Variants in DOCK3 observed in about 807,000 individuals in gnomAD.
The protein encoded by DOCK3 is dedicator of cytokinesis 3, also known as dedicator of cytokinesis protein 3.
Under a neutral mutation model 265.6 loss-of-function variants are expected in DOCK3, and 60 were observed. The observed-to-expected ratio is 0.23, with a 90% CI of 0.18 to 0.28. The LOEUF (loss-of-function observed/expected upper bound fraction) is 0.28, where lower values mean the gene tolerates loss of function less well. Among genes scored for constraint, DOCK3 ranks in the 10% least tolerant of loss-of-function variants. The pLI is 1.00. For synonymous variants in DOCK3, 881 were observed against 938.0 expected, an observed-to-expected ratio of 0.94 and a Z score of 1.11; for missense variants, 1,981 against 2,594.3, an observed-to-expected ratio of 0.76 and a Z score of 5.14.
chr3:50,782,416 G>A (rs915883693), intron 2 of DOCK3, among the ~76,000 whole-genome samples: 1 of 147,194 alleles, frequency 6.8e-6, no homozygotes, highest in African/African-American at 2.5e-5. Flanking sequence ...TCAGCCTCCC[G>A]AGTAGCTGGG....
intron 2 of DOCK3, among the ~76,000 whole-genome samples, chr3:50,819,819 A>G (rs1054804663): frequency 2.6e-5 from 4 of 152,088 alleles, no homozygotes; most frequent in African/African-American, 9.7e-5. Context: ...AAACTTAGCC[A>G]GGCGTGGTGG....
intron 5 of DOCK3, among the ~76,000 whole-genome samples, chr3:50,952,789 G>A (rs756225525): frequency 2.6e-5 from 4 of 152,118 alleles, no homozygotes; most frequent in Admixed American, 6.6e-5. Context: ...CTAGGTTTGC[G>A]TGTTAGTGCA....
intron 9 of DOCK3, among the ~76,000 whole-genome samples, chr3:51,145,809 TA>T (rs2085273467): frequency 6.6e-6 from 1 of 152,166 alleles, no homozygotes; most frequent in Admixed American, 6.5e-5. Context: ...AATTTTTCCA[TA>T]GACTGATGGG....
intron 35 of DOCK3, among the ~76,000 whole-genome samples, chr3:51,333,868 T>G (rs557273703): frequency 2.1e-4 from 32 of 151,940 alleles, no homozygotes; most frequent in African/African-American, 7.2e-4. Context: ...TTTTTTTTTT[T>G]GAGATAGTCT....
intron 1 of DOCK3, among the ~76,000 whole-genome samples, chr3:50,745,935 T>G (rs1490562731): frequency 6.6e-6 from 1 of 152,212 alleles, no homozygotes; most frequent in African/African-American, 2.4e-5. Flanking sequence ...GTTCTGTCAT[T>G]GTGTGTCACT....
chr3:51,159,237 C>A lies in DOCK3; in HGVS notation c.829-7C>A. On this transcript the variant is annotated splice_region_variant and splice_polypyrimidine_tract_variant and intron_variant, in intron 10 of 52. Coordinates refer to ENST00000266037, the MANE Select transcript of DOCK3 (RefSeq NM_004947.5). The stretch of plus-strand genomic sequence containing the variant: ...CCTTGCCTGAATTTACTTATTTTTT[C>A]TCTTAGGATCTGAGCAGCAAAGATA... 1 of 1,612,268 alleles carries A rather than the reference C, an allele frequency of 6.2e-7. No homozygotes were observed. The highest frequency in any genetic ancestry group is 1.3e-5 in the African/African-American group (1 of 75,010).
chr3:50,992,776 G>C (rs1031008838), intron 5 of DOCK3, among the ~76,000 whole-genome samples: 2 of 152,110 alleles, frequency 1.3e-5, no homozygotes, highest in Admixed American at 6.5e-5. Flanking sequence ...ACACAAACTA[G>C]AAAACCTAAA....
In DOCK3 at chr3:50,675,050, A is replaced by G. The variant is rs2033831571; in HGVS notation, c.-214A>G. 1 of 162,012 alleles carries G rather than the reference A, an allele frequency of 6.2e-6. No homozygotes were observed. The highest frequency in any genetic ancestry group is 2.4e-5 in the African/African-American group (1 of 41,178). The allele number at this position is 162,012 out of a possible 1,614,324, so 10.0% of individuals were successfully genotyped here. A position where few individuals can be genotyped will look rare whatever the true frequency, so the allele number is the denominator to read the frequency against. Reference sequence around the variant, plus strand: ...GTGGCGAGCCTTCGCCCGCGCCGCCAGGGGCTGCTGGGCCACCCGCGGAGC... The same window carrying G: ...GTGGCGAGCCTTCGCCCGCGCCGCCGGGGGCTGCTGGGCCACCCGCGGAGC... On this transcript the variant is annotated 5_prime_UTR_variant, in exon 1 of 53. Transcript: ENST00000266037. This position sits in a 1 kb window ranked among gnomAD's most constrained non-coding sequence, Gnocchi z 6.1.
intron 22 of DOCK3, among the ~76,000 whole-genome samples, chr3:51,247,796 C>T (rs990915446): frequency 6.6e-6 from 1 of 152,130 alleles, no homozygotes; most frequent in Admixed American, 6.5e-5. Flanking sequence ...AGAACATATC[C>T]GCAGTATCCT....
chr3:51,308,405 G>A (rs1463990711), intron 27 of DOCK3, among the ~76,000 whole-genome samples: 1 of 151,520 alleles, frequency 6.6e-6, no homozygotes, highest in Non-Finnish European at 1.5e-5. Flanking sequence ...TTGAGATTAG[G>A]GAGTGGTGAT....
At chr3:50,869,333 C>G (rs9865883) in intron 3 of DOCK3, among the ~76,000 whole-genome samples, 3 of 57,554 alleles carry the variant, frequency 5.2e-5, no homozygotes, top group African/African-American at 2.1e-4. Context: ...TTATTTATTT[C>G]TGCTGGGAAT....
chr3:50,940,934 A>G (rs35492420), intron 5 of DOCK3, among the ~76,000 whole-genome samples: 14,342 of 152,170 alleles, frequency 0.094, 834 homozygotes, highest in Non-Finnish European at 0.12. Flanking sequence ...GTTAACTCAA[A>G]ATGGATTATA....
At chr3:50,868,492 G>A (rs931021732) in intron 3 of DOCK3, among the ~76,000 whole-genome samples, 1 of 151,986 alleles carries the variant, frequency 6.6e-6, no homozygotes. Context: ...TCATACCTCA[G>A]ATCCCCAAGT....
Position 51,308,265 on chromosome 3 carries a change from G to A in DOCK3, c.2923-1967G>A, listed in dbSNP as rs150658930. On this transcript the variant is annotated intron_variant, in intron 27 of 52. Coordinates refer to ENST00000266037, the MANE Select transcript of DOCK3 (RefSeq NM_004947.5). ...TGATCATTCTTGGGTGTTTCTCGCA[G>A]AGGGGGATTTGGCAGGGTCATAGGA... Among the ~76,000 whole-genome samples the A allele has an allele frequency of 2.0e-5, 3 of 149,340 alleles. No individual in the cohort carries two copies. In the South Asian group the frequency reaches 6.4e-4, roughly 32 times the overall value.
intron 4 of DOCK3, among the ~76,000 whole-genome samples, chr3:50,909,641 GTTTT>G (rs71633043): frequency 4.1e-5 from 4 of 98,722 alleles, no homozygotes; most frequent in Non-Finnish European, 7.9e-5. Flanking sequence ...TACCCTTAAC[GTTTT>G]TTTTTTTTTT....
chr3:50,758,177 CAAAAAAAAA>C (rs771690340), intron 1 of DOCK3, among the ~76,000 whole-genome samples: 1 of 23,828 alleles, frequency 4.2e-5, no homozygotes, highest in Non-Finnish European at 6.5e-5. Flanking sequence ...GACTCTGTCT[CAAAAAAAAA>C]AAAAAAAAAA....
At chr3:50,719,414 G>T in intron 1 of DOCK3, 1 of 586,116 alleles carries the variant, frequency 1.7e-6, no homozygotes, top group Admixed American at 2.5e-5. Flanking sequence ...CAAATGGAGT[G>T]GAGGGGTGCT....
intron 1 of DOCK3, among the ~76,000 whole-genome samples, chr3:50,695,088 T>G (rs927284002): frequency 6.6e-6 from 1 of 152,260 alleles, no homozygotes. Flanking sequence ...TTTTAGAAGC[T>G]TCTACATATC....
At position 51,296,285 on chromosome 3, in the gene DOCK3, G is replaced by A. The variant is rs186865404; in HGVS notation, c.2923-13947G>A. 2.0e-3 allele frequency among the ~76,000 whole-genome samples: 310 copies of A among 152,224 alleles called. 2 individuals are homozygous for A. The highest frequency in any genetic ancestry group is 7.2e-3 in the African/African-American group (300 of 41,542). The stretch of plus-strand genomic sequence containing the variant: ...GCATTTTTGCAGAGATTGACAGTCT[G>A]AGCCTTCAATTCATGTAGAAATATT... On this transcript the variant is annotated intron_variant, in intron 27 of 52. Coordinates refer to ENST00000266037, the MANE Select transcript of DOCK3 (RefSeq NM_004947.5).
Sources: gnomAD v4.1 joint callset for allele counts (sites outside exome capture counted in the v4.1 genomes callset) on GRCh38, gnomAD v4.1.1 for gene constraint, Gnocchi (gnomAD v3.1) non-coding constraint, MANE v1.5 for transcripts, NCBI Gene and HGNC (gene_info 2026-07-23, HGNC 2026-07-21) for gene names.